Variants in OCA2 observed in about 807,000 individuals in gnomAD.
OCA2 encodes the protein OCA2 melanosomal transmembrane protein.
A neutral mutation model predicts 100.2 loss-of-function variants in OCA2; 77 were observed. That is an observed-to-expected ratio of 0.77 (90% CI 0.64 to 0.93). The LOEUF is 0.93. Ranked by LOEUF, OCA2 falls within the 40% of genes least tolerant of loss-of-function variation. The pLI is 0.00. For synonymous variants in OCA2, 432 were observed against 439.2 expected, an observed-to-expected ratio of 0.98 and a Z score of 0.21; for missense variants, 1,062 against 1,089.1, an observed-to-expected ratio of 0.98 and a Z score of 0.35.
intron 18 of OCA2, among the ~76,000 whole-genome samples, chr15:27,938,823 C>T (rs16950603): frequency 0.11 from 17,465 of 152,158 alleles, 3,456 homozygotes; most frequent in African/African-American, 0.4. Flanking sequence ...GATGCACATG[C>T]CCTGAGCACA....
the OCA2 span, among the ~76,000 whole-genome samples, chr15:27,747,008 T>G: frequency 2.0e-5 from 3 of 152,190 alleles, no homozygotes; most frequent in Non-Finnish European, 4.4e-5. Context: ...ATGACTTGAC[T>G]CCATTTTCCC....
chr15:27,879,477 G>A (rs2036926707), intron 19 of OCA2, among the ~76,000 whole-genome samples: 1 of 152,160 alleles, frequency 6.6e-6, no homozygotes, highest in Non-Finnish European at 1.5e-5. Flanking sequence ...CACCAACAGT[G>A]TAAAAGCATT....
chr15:27,983,404 T>G lies in OCA2; in HGVS notation c.1444A>C (p.Thr482Pro), dbSNP rs2041233832. ...VIFTNIGGAA[T>P]AIGDPPNVII... Reference sequence around the variant, plus strand: ...ACATTTGGAGGGTCCCCGATGGCAGTGGCAGCTCCTCCAATGTTTGTGAAG... The same window carrying G: ...ACATTTGGAGGGTCCCCGATGGCAGGGGCAGCTCCTCCAATGTTTGTGAAG... Residue 482 changes from threonine to proline, a missense_variant, in exon 14 of 24, where the codon ACT becomes CCT. Physicochemically the swap from Thr to Pro is conservative, Grantham distance 38. Transcript: ENST00000354638. 1.2e-6 allele frequency: 2 copies of G among 1,614,092 alleles called. No individual in the cohort carries two copies. The highest frequency in any genetic ancestry group is 2.7e-5 in the African/African-American group (2 of 74,940).
At chr15:27,753,048 C>T (rs377470250), downstream of OCA2, among the ~76,000 whole-genome samples, 15 of 152,046 alleles carry the variant, frequency 9.9e-5, no homozygotes, top group East Asian at 2.7e-3. Context: ...ACCTCAGCAA[C>T]ATTGAGGGGC....
At chr15:27,941,630 C>T (rs2039651363) in intron 18 of OCA2, among the ~76,000 whole-genome samples, 1 of 152,180 alleles carries the variant, frequency 6.6e-6, no homozygotes, top group Non-Finnish European at 1.5e-5. Flanking sequence ...CATGACCAAC[C>T]CTATGAAATG....
At chr15:27,904,996 TCTA>T (rs2038116081) in intron 19 of OCA2, among the ~76,000 whole-genome samples, 1 of 152,070 alleles carries the variant, frequency 6.6e-6, no homozygotes, top group African/African-American at 2.4e-5. Flanking sequence ...AAACCTCGTC[TCTA>T]CTAAAAATAC....
intron 23 of OCA2, among the ~76,000 whole-genome samples, chr15:27,796,825 C>G (rs1003796464): frequency 1.3e-5 from 2 of 152,196 alleles, no homozygotes; most frequent in Non-Finnish European, 2.9e-5. Flanking sequence ...CATGCTCCCC[C>G]TTTTCCTCAT....
chr15:27,971,501 C>T (rs1251466846), intron 14 of OCA2, among the ~76,000 whole-genome samples: 1 of 152,076 alleles, frequency 6.6e-6, no homozygotes, highest in Non-Finnish European at 1.5e-5. Context: ...ATGCTACAGC[C>T]AGGCCGACTC....
intron 2 of OCA2, among the ~76,000 whole-genome samples, chr15:28,061,595 GC>G (rs1410372625): frequency 2.0e-5 from 3 of 152,110 alleles, no homozygotes; most frequent in African/African-American, 7.2e-5. Flanking sequence ...ATTAAAAGAG[GC>G]CCAGAGAGTG....
intron 23 of OCA2, among the ~76,000 whole-genome samples, chr15:27,834,582 T>C (rs908729454): frequency 4.6e-5 from 7 of 152,178 alleles, no homozygotes; most frequent in East Asian, 3.9e-4. Context: ...TGTGTCTGAA[T>C]TGAGGGCACT....
chr15:28,085,269 T>A (rs1019786061), intron 1 of OCA2, among the ~76,000 whole-genome samples: 61 of 152,000 alleles, frequency 4.0e-4, no homozygotes, highest in African/African-American at 1.4e-3. Flanking sequence ...CCCTTCCCCC[T>A]TTCACTCCCA....
chr15:28,073,397 A>C (rs1372431971), intron 2 of OCA2, among the ~76,000 whole-genome samples: 1 of 152,206 alleles, frequency 6.6e-6, no homozygotes, highest in African/African-American at 2.4e-5. Flanking sequence ...CTGGGCAACA[A>C]GAGCGAAACT....
intron 2 of OCA2, among the ~76,000 whole-genome samples, chr15:28,039,852 G>C (rs1468224962): frequency 6.6e-6 from 1 of 152,092 alleles, no homozygotes. Context: ...GGCCAACATG[G>C]TGAAACCCTG....
chr15:27,932,968 CA>C (rs957857737), intron 18 of OCA2, among the ~76,000 whole-genome samples: 1 of 131,146 alleles, frequency 7.6e-6, no homozygotes, highest in African/African-American at 3.3e-5. Flanking sequence ...AAATAAATCA[CA>C]AGGCATAGAA....
intron 19 of OCA2, among the ~76,000 whole-genome samples, chr15:27,908,044 A>G (rs1219805639): frequency 6.6e-6 from 1 of 152,158 alleles, no homozygotes; most frequent in Non-Finnish European, 1.5e-5. Context: ...TAAACCACGT[A>G]AAGACTCATT....
chr15:27,798,057 C>T (rs751148040), intron 23 of OCA2, among the ~76,000 whole-genome samples: 5 of 152,190 alleles, frequency 3.3e-5, no homozygotes, highest in South Asian at 2.1e-4. Flanking sequence ...AAGAGGGTTA[C>T]GTGTGACATG....
chr15:27,867,266 G>A (rs944000310), intron 21 of OCA2, among the ~76,000 whole-genome samples: 20 of 152,116 alleles, frequency 1.3e-4, no homozygotes, highest in South Asian at 2.1e-4. Flanking sequence ...TGATGGATGC[G>A]GAGGTATGAT....
the OCA2 span, among the ~76,000 whole-genome samples, chr15:27,726,678 G>C: frequency 6.6e-6 from 1 of 152,206 alleles, no homozygotes; most frequent in Admixed American, 6.5e-5. Flanking sequence ...CAGAGCAAAA[G>C]CTGGAGGAAT....
chr15:27,851,731 G>T (rs760469446), intron 21 of OCA2, among the ~76,000 whole-genome samples: 2 of 152,168 alleles, frequency 1.3e-5, no homozygotes, highest in Middle Eastern at 3.4e-3. Context: ...GCTCTTATAC[G>T]GGGTAAAGGC....
Sources: gnomAD v4.1 joint callset for allele counts (sites outside exome capture counted in the v4.1 genomes callset) on GRCh38, gnomAD v4.1.1 for gene constraint, MANE v1.5 for transcripts, NCBI Gene and HGNC (gene_info 2026-07-23, HGNC 2026-07-21) for gene names.